The following FN1 variants were observed in gnomAD, a reference collection of about 807,000 sequenced individuals.
FN1 encodes the protein fibronectin 1, also known as fibronectin.
FN1 carries 106 observed loss-of-function variants against 297.3 expected under a neutral mutation model. That is an observed-to-expected ratio of 0.36 (90% CI 0.30 to 0.42). The LOEUF is 0.42. FN1 is among the 10% of genes least tolerant of loss of function. The probability of loss-of-function intolerance (pLI) is 1.00; values close to 1 mark genes in which losing one functional copy is unlikely to be tolerated. For synonymous variants in FN1, 1,149 were observed against 1,152.6 expected, an observed-to-expected ratio of 1.00 and a Z score of 0.06; for missense variants, 2,690 against 3,124.9, an observed-to-expected ratio of 0.86 and a Z score of 3.32.
chr2:215,401,201 AG>A (rs2060995069), intron 20 of FN1, among the ~76,000 whole-genome samples: 3 of 32,132 alleles, frequency 9.3e-5, no homozygotes, highest in Admixed American at 6.2e-4. Context: ...AAGAAAGAAA[AG>A]AAAGAAAGAA....
rs369617070 is a variant in FN1, at chr2:215,393,184, G to T, written c.3816C>A (p.Asp1272Glu). The T allele has an allele frequency of 1.2e-6, 2 of 1,613,926 alleles. No individual in the cohort carries two copies. Residue 1272 changes from aspartate (D) to glutamate (E), a missense_variant, in exon 25 of 46, where the codon GAC becomes GAA. By Grantham distance (45) the Asp-to-Glu change is conservative. Transcript: ENST00000354785. ...AATCGGTTATATCAACAAAGCTTAGGTCAGTGAGTTGGGGCACCTCTATTG... is the reference window on the plus strand; with the variant it reads ...AATCGGTTATATCAACAAAGCTTAGTTCAGTGAGTTGGGGCACCTCTATTG... ...TIIPEVPQLTDLSFVDITDSS... is the reference protein window; with the variant it reads ...TIIPEVPQLTELSFVDITDSS...
At chr2:215,393,416 T>G in intron 24 of FN1, 1 of 338,894 alleles carries the variant, frequency 3.0e-6, no homozygotes. Flanking sequence ...AACAGGAATA[T>G]TCTTTTAGGG....
rs748766312 is a variant in FN1, at chr2:215,407,166, C to T, written c.2674G>A (p.Val892Ile). The change falls in exon 18 of 46, where the codon GTT (valine) becomes ATT (isoleucine). Residue 892 changes from valine to isoleucine, a missense_variant. Transcript: ENST00000354785. Reference sequence around the variant, plus strand: ...CCAGTGGTTTCTTGTTGAATGACAACAGGTGTACTTTCTTGATTTTCTTCC... The same window carrying T: ...CCAGTGGTTTCTTGTTGAATGACAATAGGTGTACTTTCTTGATTTTCTTCC... ...AVEENQESTP[V>I]VIQQETTGTP... The T allele has an allele frequency of 1.4e-5, 22 of 1,614,030 alleles. No individual in the cohort carries two copies. The African/African-American group carries it at 2.1e-4, about 16-fold the overall frequency.
At position 215,391,620 on chromosome 2, in the gene FN1, T is replaced by C. The variant is rs2059715496; in HGVS notation, c.4252+12A>G. 6.2e-7 allele frequency: 1 copy of C among 1,606,518 alleles called. No individual in the cohort carries two copies. Among genetic ancestry groups the C allele is most frequent in the East Asian group, 2.2e-5 (1 of 44,836 alleles). On this transcript the variant is annotated intron_variant, in intron 26 of 45. Coordinates refer to ENST00000354785, the MANE Select transcript of FN1 (RefSeq NM_212482.4). ...GTTAATATTTATGGAACAGATACAT[T>C]CAACTGCTTACTTGTTAAGACCACT...
At chr2:215,393,879 G>A (rs778994469) in intron 24 of FN1, among the ~76,000 whole-genome samples, 11 of 152,176 alleles carry the variant, frequency 7.2e-5, no homozygotes, top group African/African-American at 2.2e-4. Flanking sequence ...AGGGGGACAC[G>A]ATCTGTCCAA....
Position 215,376,414 on chromosome 2 carries a change from G to A in FN1, c.5887+84C>T. 8 of 1,207,338 alleles carry A rather than the reference G, an allele frequency of 6.6e-6. 1 individual carries two copies. The highest frequency in any genetic ancestry group is 1.9e-4 in the Middle Eastern group (1 of 5,270). The allele number at this position is 1,207,338 out of a possible 1,614,324, so 74.8% of individuals were successfully genotyped here. A position where few individuals can be genotyped will look rare whatever the true frequency, so the allele number is the denominator to read the frequency against. On this transcript the variant is annotated intron_variant, in intron 36 of 45. Coordinates refer to ENST00000354785, the MANE Select transcript of FN1 (RefSeq NM_212482.4). ...ATAACACTGAAAATAAATTTTATCA[G>A]TGTCAGTCGTAGAACAGTTAATAAG...
intron 28 of FN1, among the ~76,000 whole-genome samples, chr2:215,385,327 C>T (rs1183267520): frequency 1.3e-5 from 2 of 150,088 alleles, no homozygotes; most frequent in African/African-American, 4.9e-5. Flanking sequence ...TTTGGGAGGC[C>T]GAGGCGGGTG....
chr2:215,400,332 A>AAT (rs1208787127), intron 20 of FN1, among the ~76,000 whole-genome samples: 1 of 152,250 alleles, frequency 6.6e-6, no homozygotes, highest in Non-Finnish European at 1.5e-5. Flanking sequence ...TTGTACTTTA[A>AAT]ATACGTGATT....
rs1553629757 is a variant in FN1, at chr2:215,401,259, A to AAAGGAAGG, written c.3254-1916_3254-1909dup. On this transcript the variant is annotated intron_variant, in intron 20 of 45. Transcript: ENST00000354785. The stretch of plus-strand genomic sequence containing the variant: ...GAAAGAAAGAAAGAAAGGAAGAAAG[A>AAAGGAAGG]AAGGAAGGAAAGGAAAGGAAAGGAA... 4.5e-3 allele frequency among the ~76,000 whole-genome samples: 372 copies of AAAGGAAGG among 81,778 alleles called. 4 individuals are homozygous for AAAGGAAGG. The highest frequency in any genetic ancestry group is 0.01 in the South Asian group (20 of 1,970). The allele number at this position is 81,778 out of a possible 152,430, so 53.6% of individuals were successfully genotyped here. A position where few individuals can be genotyped will look rare whatever the true frequency, so the allele number is the denominator to read the frequency against.
chr2:215,374,578 T>A (rs1318305631), intron 38 of FN1, among the ~76,000 whole-genome samples: 5 of 152,242 alleles, frequency 3.3e-5, no homozygotes. Flanking sequence ...ACCATGATTG[T>A]ACATTTTCTG....
At chr2:215,419,996 A>C (rs1400793937) in intron 11 of FN1, among the ~76,000 whole-genome samples, 1 of 152,204 alleles carries the variant, frequency 6.6e-6, no homozygotes, top group Non-Finnish European at 1.5e-5. Flanking sequence ...AGTGCTGGTA[A>C]CACAGCTCTT....
chr2:215,374,503 C>T (rs1284745957), intron 38 of FN1, among the ~76,000 whole-genome samples: 1 of 152,160 alleles, frequency 6.6e-6, no homozygotes, highest in Non-Finnish European at 1.5e-5. Context: ...TTGTAAGTAT[C>T]TGGAAGTTCC....
chr2:215,409,818 A>T, intron 14 of FN1, 79 bp from the exon 15 acceptor site: 1 of 1,597,190 alleles, frequency 6.3e-7, no homozygotes, highest in Non-Finnish European at 8.6e-7. Context: ...CATCATTTTA[A>T]AAAACGTTGG....
intron 12 of FN1, among the ~76,000 whole-genome samples, chr2:215,416,003 G>A (rs1273040875): frequency 1.3e-5 from 2 of 152,080 alleles, no homozygotes; most frequent in African/African-American, 4.8e-5. Context: ...TTTTGTATGT[G>A]TAATAAAGCA....
At position 215,424,286 on chromosome 2, in the gene FN1, G is replaced by A. The variant is rs2064953933; in HGVS notation, c.1076C>T (p.Pro359Leu). 5 of 1,614,062 alleles carry A rather than the reference G, an allele frequency of 3.1e-6. No individual in the cohort carries two copies. Among genetic ancestry groups the A allele is most frequent in the Non-Finnish European group, 4.2e-6 (5 of 1,179,964 alleles). Residue 359 changes from proline (P) to leucine (L), a missense_variant, in exon 8 of 46, where the codon CCA (proline) becomes CTA (leucine). By Grantham distance (98) the Pro-to-Leu change is moderately conservative. Coordinates refer to ENST00000354785, the MANE Select transcript of FN1 (RefSeq NM_212482.4). ...ATTGTAGGTGAATGGTAAGACACAT[G>A]GCTCTCCATTTGAGTTGCCACCGTA... ...QTYGGNSNGE[P>L]CVLPFTYNGR...
rs2577297 is a variant in FN1 at position 215,398,065 on chromosome 2, A to G, written c.3349-217T>C. 0.58 allele frequency among the ~76,000 whole-genome samples: 88,569 copies of G among 152,112 alleles called. 26,229 individuals carry two copies. Among genetic ancestry groups the G allele is most frequent in the East Asian group, 0.93 (4,829 of 5,178 alleles). ...TCCAAACTGCATTAAGGTGGCTTGTAATGGAAGGTTCCAGAGAAATGTCAT... is the reference window on the plus strand; with the variant it reads ...TCCAAACTGCATTAAGGTGGCTTGTGATGGAAGGTTCCAGAGAAATGTCAT... On this transcript the variant is annotated intron_variant, in intron 21 of 45. Transcript: ENST00000354785.
chr2:215,387,029 G>GT (rs1311559319), intron 27 of FN1, 71 bp from the exon 28 acceptor site: 2 of 1,398,152 alleles, frequency 1.4e-6, no homozygotes, highest in Non-Finnish European at 2.0e-6. Context: ...AAGTGAGGAA[G>GT]GTGTAGGGGA....
chr2:215,389,043 C>T (rs2059383330), intron 26 of FN1, among the ~76,000 whole-genome samples: 1 of 149,270 alleles, frequency 6.7e-6, no homozygotes, highest in African/African-American at 2.4e-5. Context: ...AAAATGAGAG[C>T]AGAATATTTT....
Position 215,379,178 on chromosome 2 carries a change from T to G in FN1, c.5574A>C (p.Glu1858Asp). 6.2e-7 allele frequency: 1 copy of G among 1,614,152 alleles called. No homozygotes were observed. Among genetic ancestry groups the G allele is most frequent in the Non-Finnish European group, 8.5e-7 (1 of 1,180,020 alleles). ...TPKEKTGPMK[E>D]INLAPDSSSV... is the part of the protein sequence containing the mutation. ...ATGAGCTGTCAGGAGCAAGGTTGAT[T>G]TCTTTCATTGGTCCGGTCTTCTCCT... Residue 1858 changes from glutamate (E) to aspartate (D), a missense_variant, in exon 34 of 46, where the codon GAA (glutamate) becomes GAC (aspartate). Coordinates refer to ENST00000354785, the MANE Select transcript of FN1 (RefSeq NM_212482.4).
Sources: gnomAD v4.1 joint callset for allele counts (sites outside exome capture counted in the v4.1 genomes callset) on GRCh38, gnomAD v4.1.1 for gene constraint, MANE v1.5 for transcripts, NCBI Gene and HGNC (gene_info 2026-07-23, HGNC 2026-07-21) for gene names.